Variants in ATXN8OS observed in about 807,000 individuals in gnomAD.
ATXN8OS encodes ATXN8 opposite strand (non-protein coding).
chr13:70,109,919 A>T (rs1271677193), intron 1 of ATXN8OS, among the ~76,000 whole-genome samples: 1 of 152,154 alleles, frequency 6.6e-6, no homozygotes, highest in Non-Finnish European at 1.5e-5. Flanking sequence ...GGATTATCTC[A>T]CTTGATTTAT....
intron 3 of ATXN8OS, among the ~76,000 whole-genome samples, chr13:70,136,616 G>C (rs949130246): frequency 6.6e-6 from 1 of 151,902 alleles, no homozygotes. Context: ...CCGCTAGCAG[G>C]AGAACTCCCT....
At chr13:70,153,226 T>C (rs866171005) in intron 4 of ATXN8OS, among the ~76,000 whole-genome samples, 1 of 152,164 alleles carries the variant, frequency 6.6e-6, no homozygotes, top group Non-Finnish European at 1.5e-5. Flanking sequence ...TATAATGTAA[T>C]ACAATTTTTT....
intron 4 of ATXN8OS, among the ~76,000 whole-genome samples, chr13:70,165,698 C>G (rs755216725): frequency 6.6e-6 from 1 of 151,942 alleles, no homozygotes; most frequent in Non-Finnish European, 1.5e-5. Flanking sequence ...ACTGATAGAG[C>G]TCAGGGAAGC....
At chr13:70,166,015 A>G (rs1434200479) in intron 4 of ATXN8OS, among the ~76,000 whole-genome samples, 1 of 152,066 alleles carries the variant, frequency 6.6e-6, no homozygotes, top group East Asian at 1.9e-4. Context: ...TTCATTCTCT[A>G]TTTCAACTTT....
exon 5 of ATXN8OS, among the ~76,000 whole-genome samples, chr13:70,170,170 AT>A (rs1368387592): frequency 6.6e-6 from 1 of 152,082 alleles, no homozygotes; most frequent in African/African-American, 2.4e-5. Flanking sequence ...TTAACAGAAT[AT>A]TTTGTTTTTC....
intron 3 of ATXN8OS, among the ~76,000 whole-genome samples, chr13:70,134,575 C>A (rs1232280866): frequency 6.6e-6 from 1 of 152,164 alleles, no homozygotes; most frequent in Non-Finnish European, 1.5e-5. Context: ...AGCCAGCCGA[C>A]AGGAAGAGAA....
At chr13:70,129,029 T>C (rs934275198) in intron 2 of ATXN8OS, among the ~76,000 whole-genome samples, 1 of 151,978 alleles carries the variant, frequency 6.6e-6, no homozygotes, top group Non-Finnish European at 1.5e-5. Flanking sequence ...CCCAGCTAAT[T>C]TTTTGTATTT....
chr13:70,166,460 A>G (rs1434004568), intron 4 of ATXN8OS, among the ~76,000 whole-genome samples: 2 of 152,072 alleles, frequency 1.3e-5, no homozygotes, highest in African/African-American at 4.8e-5. Context: ...CTGGCTAGCC[A>G]TATGTAGAAA....
chr13:70,170,316 G>A (rs1308795618), exon 5 of ATXN8OS, among the ~76,000 whole-genome samples: 2 of 151,924 alleles, frequency 1.3e-5, no homozygotes, highest in East Asian at 3.9e-4. Context: ...AACCTTAATG[G>A]TTTAAGGTCT....
intron 1 of ATXN8OS, chr13:70,108,250 G>A: frequency 2.6e-6 from 1 of 386,280 alleles, no homozygotes; most frequent in Non-Finnish European, 4.6e-6. Context: ...ATCTCTTGGT[G>A]CACCTGCGCC....
intron 2 of ATXN8OS, among the ~76,000 whole-genome samples, chr13:70,117,889 T>C (rs1332411764): frequency 1.3e-5 from 2 of 152,144 alleles, no homozygotes; most frequent in Non-Finnish European, 2.9e-5. Context: ...CTTTCAATAC[T>C]TAGTTGGCTT....
At chr13:70,166,917 G>T (rs549174633) in intron 4 of ATXN8OS, among the ~76,000 whole-genome samples, 2 of 151,550 alleles carry the variant, frequency 1.3e-5, no homozygotes, top group Non-Finnish European at 2.9e-5. Flanking sequence ...ATGAAAAAAT[G>T]CTCATCATCA....
intron 4 of ATXN8OS, among the ~76,000 whole-genome samples, chr13:70,157,329 A>G (rs9542191): frequency 0.66 from 99,812 of 151,896 alleles, 35,178 homozygotes; most frequent in East Asian, 0.82. Flanking sequence ...AAAATAAAGA[A>G]CATAATTTTT....
chr13:70,166,699 C>T (rs143954026), intron 4 of ATXN8OS, among the ~76,000 whole-genome samples: 12,572 of 152,010 alleles, frequency 0.083, 670 homozygotes, highest in Non-Finnish European at 0.099. Context: ...AGCTTCTGCA[C>T]AACAAAAGAA....
chr13:70,129,546 T>C (rs1888497846), intron 2 of ATXN8OS, among the ~76,000 whole-genome samples: 1 of 152,166 alleles, frequency 6.6e-6, no homozygotes, highest in African/African-American at 2.4e-5. Context: ...TACAAGGTCA[T>C]GTAATGCAAT....
At chr13:70,137,313 T>C (rs910968389) in intron 3 of ATXN8OS, among the ~76,000 whole-genome samples, 2 of 152,194 alleles carry the variant, frequency 1.3e-5, no homozygotes, top group Admixed American at 1.3e-4. Context: ...GTCATATTCA[T>C]GGCTAGATTT....
intron 3 of ATXN8OS, among the ~76,000 whole-genome samples, chr13:70,143,245 G>C (rs1359055031): frequency 6.6e-6 from 1 of 151,670 alleles, no homozygotes; most frequent in Non-Finnish European, 1.5e-5. Flanking sequence ...CATGTTCTTG[G>C]ATTTAATCTA....
intron 3 of ATXN8OS, among the ~76,000 whole-genome samples, chr13:70,130,313 A>G (rs543501685): frequency 6.6e-6 from 1 of 152,304 alleles, no homozygotes; most frequent in South Asian, 2.1e-4. Context: ...TTACTCAACC[A>G]TGACTTTAAA....
chr13:70,147,558 T>C (rs1888802623), intron 4 of ATXN8OS, among the ~76,000 whole-genome samples: 1 of 152,134 alleles, frequency 6.6e-6, no homozygotes, highest in African/African-American at 2.4e-5. Context: ...AGAAAAGAAG[T>C]ATATATGGTG....
Sources: allele counts gnomAD v4.1 joint callset (sites outside exome capture counted in the v4.1 genomes callset), GRCh38; gene constraint gnomAD v4.1.1; transcripts MANE v1.5; gene names NCBI Gene and HGNC (gene_info 2026-07-23, HGNC 2026-07-21).